The following FAM204A variants were observed in gnomAD, a reference collection of about 807,000 sequenced individuals.
FAM204A encodes protein FAM204A.
Under a neutral mutation model 35.4 loss-of-function variants are expected in FAM204A, and 16 were observed. That is an observed-to-expected ratio of 0.45 (90% CI 0.31 to 0.69). FAM204A has a LOEUF of 0.69. FAM204A is among the 30% of genes least tolerant of loss of function. FAM204A has a pLI of 0.07. For missense variants in FAM204A, 240 were observed against 265.7 expected (o/e 0.90, Z 0.67); for synonymous variants, 76 against 86.9 (o/e 0.88, Z 0.70).
intron 3 of FAM204A, 199 bp downstream of exon 3, chr10:118,335,983 C>G (rs768630358): frequency 1.7e-6 from 1 of 598,274 alleles, no homozygotes; most frequent in African/African-American, 1.9e-5. Context: ...TTTCCCCCTC[C>G]GTCTTTCTAT....
chr10:118,315,390 T>C (rs1846015285), intron 7 of FAM204A, among the ~76,000 whole-genome samples: 2 of 152,168 alleles, frequency 1.3e-5, no homozygotes, highest in South Asian at 4.1e-4. Context: ...TCAGAGTAAA[T>C]TTTACTCATC....
rs1266841279 is a variant in FAM204A, at chr10:118,309,365, T to G, written c.*1492A>C. ...ATTAAATGTGCCACCATAAATAAAA[T>G]TTTGTTACTATTTTAAGTCTAAAAA... On this transcript the variant is annotated 3_prime_UTR_variant, in exon 9 of 9. Transcript: ENST00000369183. 6.6e-6 allele frequency: 1 copy of G among 152,094 alleles called. No homozygotes were observed. The highest frequency in any genetic ancestry group is 2.4e-5 in the African/African-American group (1 of 41,424). The allele number at this position is 152,094 out of a possible 1,614,324, so 9.4% of individuals were successfully genotyped here. A position where few individuals can be genotyped will look rare whatever the true frequency, so the allele number is the denominator to read the frequency against.
chr10:118,331,675 T>A (rs1484571292), intron 6 of FAM204A, among the ~76,000 whole-genome samples: 1 of 152,070 alleles, frequency 6.6e-6, no homozygotes, highest in Non-Finnish European at 1.5e-5. Context: ...ATATATTCAA[T>A]TTTTAAAGCT....
intron 2 of FAM204A, among the ~76,000 whole-genome samples, chr10:118,340,804 T>C (rs1039072709): frequency 1.3e-5 from 2 of 152,216 alleles, no homozygotes; most frequent in African/African-American, 4.8e-5. Context: ...TAGGAATTAC[T>C]ATCTATATCA....
At chr10:118,316,579 T>A (rs938539838) in intron 7 of FAM204A, among the ~76,000 whole-genome samples, 1 of 152,168 alleles carries the variant, frequency 6.6e-6, no homozygotes, top group African/African-American at 2.4e-5. Flanking sequence ...ACTACATGTA[T>A]CTATATATAT....
At position 118,335,548 on chromosome 10, in the gene FAM204A, A is replaced by T; in HGVS notation, c.322+6T>A. Reference sequence around the variant, plus strand: ...ACGACGAACAACCTGAGTTAAAACAAAACACCTTTTCTGGAGCGTTTTCTT... The same window carrying T: ...ACGACGAACAACCTGAGTTAAAACATAACACCTTTTCTGGAGCGTTTTCTT... On this transcript the variant is annotated splice_donor_region_variant and intron_variant, in intron 4 of 8. Coordinates refer to ENST00000369183, the MANE Select transcript of FAM204A (RefSeq NM_022063.3). The T allele has an allele frequency of 3.7e-6, 6 of 1,610,366 alleles. No individual in the cohort carries two copies. Among genetic ancestry groups the T allele is most frequent in the Non-Finnish European group, 5.1e-6 (6 of 1,179,094 alleles).
rs1845819643 is a variant in FAM204A at position 118,302,579 on chromosome 10, A to G, written c.*8278T>C. 1 of 152,222 alleles carries G rather than the reference A, an allele frequency of 6.6e-6. No homozygotes were observed. Among genetic ancestry groups the G allele is most frequent in the Non-Finnish European group, 1.5e-5 (1 of 68,052 alleles). 9.4% of individuals were successfully genotyped at this position (152,222 alleles called of 1,614,324 possible). ...CATCGGGAATGGAACTTTTATGTAC[A>G]TGGACTTTGGATTTTCTTTTTCTCT... On this transcript the variant is annotated 3_prime_UTR_variant, in exon 9 of 9. Transcript: ENST00000369183.
Position 118,299,391 on chromosome 10 carries a change from G to GTTTTTTTTTTTTTTTTTTTTTTTTTT in FAM204A, c.*11465_*11466insAAAAAAAAAAAAAAAAAAAAAAAAAA, listed in dbSNP as rs565492466. ...ACCTCCTCCTTTCTGCTTCCAGAAG[G>GTTTTTTTTTTTTTTTTTTTTTTTTTT]TTTTTTTTTTTTTTTTTTTTTTGAG... On this transcript the variant is annotated 3_prime_UTR_variant, in exon 9 of 9. Coordinates refer to ENST00000369183, the MANE Select transcript of FAM204A (RefSeq NM_022063.3). The GTTTTTTTTTTTTTTTTTTTTTTTTTT allele has an allele frequency of 1.9e-4, 17 of 90,272 alleles. 1 individual carries two copies. Among genetic ancestry groups the GTTTTTTTTTTTTTTTTTTTTTTTTTT allele is most frequent in the Non-Finnish European group, 2.4e-4 (12 of 49,632 alleles). 5.6% of individuals were successfully genotyped at this position (90,272 alleles called of 1,614,324 possible).
chr10:118,312,269 T>G (rs139170449), intron 7 of FAM204A, among the ~76,000 whole-genome samples: 141 of 152,316 alleles, frequency 9.3e-4, no homozygotes, highest in African/African-American at 3.2e-3. Flanking sequence ...GCCTTTTCTA[T>G]CCCTTGTACT....
chr10:118,308,553 A>AT lies in FAM204A; in HGVS notation c.*2303_*2304insA. ...CTTCCCTCCAACCCCTTCTTCTGCT[A>AT]CACATAACGTTTTAGAGCTTTCCAC... On this transcript the variant is annotated 3_prime_UTR_variant, in exon 9 of 9. Coordinates refer to ENST00000369183, the MANE Select transcript of FAM204A (RefSeq NM_022063.3). The AT allele has an allele frequency of 6.6e-6, 1 of 152,224 alleles. No homozygotes were observed. Among genetic ancestry groups the AT allele is most frequent in the East Asian group, 1.9e-4 (1 of 5,204 alleles). 9.4% of individuals were successfully genotyped at this position (152,224 alleles called of 1,614,324 possible).
chr10:118,318,052 A>G (rs1182951011), intron 7 of FAM204A, among the ~76,000 whole-genome samples: 1 of 151,980 alleles, frequency 6.6e-6, no homozygotes. Context: ...CCAGTGTCCT[A>G]TATTCTTTCT....
Position 118,341,720 on chromosome 10 carries a change from T to A in FAM204A, c.-9+7A>T, listed in dbSNP as rs2133299449. The A allele has an allele frequency of 6.6e-6, 1 of 152,254 alleles. No homozygotes were observed. Among genetic ancestry groups the A allele is most frequent in the East Asian group, 1.9e-4 (1 of 5,166 alleles). 9.4% of individuals were successfully genotyped at this position (152,254 alleles called of 1,614,324 possible). ...TTTTAAGTCGATTCCGCTGTGAGAA[T>A]ACTTACAGGGTCCAAGATTGCAAGA... On this transcript the variant is annotated splice_region_variant and intron_variant, in intron 2 of 8. Transcript: ENST00000369183.
chr10:118,336,550 T>TC (rs1846390910), intron 2 of FAM204A, 127 bp from the exon 3 acceptor site: 1 of 757,798 alleles, frequency 1.3e-6, no homozygotes, highest in Admixed American at 3.6e-5. Flanking sequence ...TAAACTTTTT[T>TC]TTTTTAATCT....
chr10:118,317,047 A>G (rs1846043316), intron 7 of FAM204A, among the ~76,000 whole-genome samples: 1 of 152,126 alleles, frequency 6.6e-6, no homozygotes, highest in Non-Finnish European at 1.5e-5. Flanking sequence ...TACTGTTTTC[A>G]GCAATTTCTT....
chr10:118,334,073 A>G (rs1171746359), intron 6 of FAM204A, among the ~76,000 whole-genome samples: 3 of 152,184 alleles, frequency 2.0e-5, no homozygotes, highest in Non-Finnish European at 4.4e-5. Flanking sequence ...CCCTGTATGA[A>G]TAAGTGAGTT....
chr10:118,337,259 G>A, intron 2 of FAM204A: 1 of 984,590 alleles, frequency 1.0e-6, no homozygotes, highest in East Asian at 1.1e-4. Context: ...GTCTATTTTA[G>A]CACATATATT....
At chr10:118,331,197 G>C (rs926191186) in intron 6 of FAM204A, among the ~76,000 whole-genome samples, 2 of 152,006 alleles carry the variant, frequency 1.3e-5, no homozygotes, top group African/African-American at 4.8e-5. Context: ...GAGTATTAAG[G>C]CTTTTTGAAA....
In FAM204A at chr10:118,308,019, C is replaced by T. The variant is rs1187454317; in HGVS notation, c.*2838G>A. ...GCAAACCTAAGATTATATATTCAAT[C>T]TCTCCTTTCGGTGAAAGACATAGAA... On this transcript the variant is annotated 3_prime_UTR_variant, in exon 9 of 9. Transcript: ENST00000369183. 1 of 152,228 alleles carries T rather than the reference C, an allele frequency of 6.6e-6. No homozygotes were observed. The highest frequency in any genetic ancestry group is 1.5e-5 in the Non-Finnish European group (1 of 68,042). The allele number at this position is 152,228 out of a possible 1,614,324, so 9.4% of individuals were successfully genotyped here.
At chr10:118,341,172 G>T (rs1846474174) in intron 2 of FAM204A, among the ~76,000 whole-genome samples, 1 of 152,166 alleles carries the variant, frequency 6.6e-6, no homozygotes, top group African/African-American at 2.4e-5. Context: ...AAACCCAAAA[G>T]ATATATTTGA....
Sources: allele counts gnomAD v4.1 joint callset (sites outside exome capture counted in the v4.1 genomes callset), GRCh38; gene constraint gnomAD v4.1.1; transcripts MANE v1.5; gene names NCBI Gene and HGNC (gene_info 2026-07-23, HGNC 2026-07-21).